The following ARHGAP21 variants were observed in gnomAD, a reference collection of about 807,000 sequenced individuals.
The protein encoded by ARHGAP21 is rho GTPase-activating protein 21.
ARHGAP21 carries 38 observed loss-of-function variants against 164.6 expected under a neutral mutation model. The observed-to-expected ratio is 0.23, with a 90% CI of 0.18 to 0.30. The LOEUF is 0.30. ARHGAP21 is among the 10% of genes least tolerant of loss of function. The pLI is 1.00. For synonymous variants in ARHGAP21, 766 were observed against 857.9 expected (o/e 0.89, Z 1.87); for missense variants, 1,822 against 2,370.7 (o/e 0.77, Z 4.81).
At chr10:24,648,100 T>C (rs1169018779) in intron 4 of ARHGAP21, among the ~76,000 whole-genome samples, 2 of 152,048 alleles carry the variant, frequency 1.3e-5, no homozygotes, top group Non-Finnish European at 2.9e-5. Context: ...CGGCCTCCCA[T>C]AGTGCTGGGA....
rs1554977802 is a variant in ARHGAP21 at position 24,628,952 on chromosome 10, C to CACTATATATATA, written c.495+1043_495+1044insTATATATATAGT. On this transcript the variant is annotated intron_variant, in intron 7 of 25. Transcript: ENST00000396432. ...ACATACATATATATACACACACACACTATATATATATATATATATATATAT... is the reference window on the plus strand; with the variant it reads ...ACATACATATATATACACACACACACACTATATATATATATATATATATATATATATATATAT... 19 of 13,764 alleles carry CACTATATATATA rather than the reference C, an allele frequency of 1.4e-3. 1 individual carries two copies. The highest frequency in any genetic ancestry group is 4.3e-3 in the African/African-American group (11 of 2,572). The allele number at this position is 13,764 out of a possible 1,614,324, so 0.9% of individuals were successfully genotyped here.
intron 14 of ARHGAP21, 88 bp from the exon 15 acceptor site, chr10:24,598,097 C>T: frequency 2.0e-6 from 2 of 1,001,770 alleles, no homozygotes; most frequent in Non-Finnish European, 3.0e-6. Flanking sequence ...TACTGCTTTG[C>T]TTATTTAACA....
In ARHGAP21 at chr10:24,624,337, CT is replaced by C. The variant is rs565872094; in HGVS notation, c.496-1576del. Among the ~76,000 whole-genome samples, 408 of 102,858 alleles carry C rather than the reference CT, an allele frequency of 4.0e-3. No individual in the cohort carries two copies. In the Middle Eastern group the frequency reaches 0.049, roughly 12 times the overall value. The allele number at this position is 102,858 out of a possible 152,430, so 67.5% of individuals were successfully genotyped here. On this transcript the variant is annotated intron_variant, in intron 7 of 25. Transcript: ENST00000396432. ...CTGCCTGGGAAATGCTGTTCTAGAA[CT>C]TTTTTTTTTTTTTTTTTTTGAGACC...
rs1473553789 is a variant in ARHGAP21, at chr10:24,585,109, G to A, written c.5180C>T (p.Ala1727Val). 1 of 1,613,456 alleles carries A rather than the reference G, an allele frequency of 6.2e-7. No homozygotes were observed. Among genetic ancestry groups the A allele is most frequent in the East Asian group, 2.2e-5 (1 of 44,878 alleles). ...SLGDAKNEKE[A>V]PSLTKVFDVM... The stretch of plus-strand genomic sequence containing the variant: ...ATCAAACACTTTAGTTAACGAAGGT[G>A]CTTCTTTCTCATTCTTGGCATCTCC... The change falls in exon 26 of 26, where the codon GCA becomes GTA. Residue 1727 changes from alanine (A) to valine (V), a missense_variant. By Grantham distance (64) the Ala-to-Val change is moderately conservative. This residue lies in a region of ARHGAP21 where 117 missense variants were observed against 193.2 expected (regional missense o/e 0.61). Coordinates refer to ENST00000396432, the MANE Select transcript of ARHGAP21 (RefSeq NM_020824.4).
At chr10:24,596,670 T>TA (rs1399394205) in intron 17 of ARHGAP21, 70 bp downstream of exon 17, 25 of 1,598,196 alleles carry the variant, frequency 1.6e-5, no homozygotes, top group Non-Finnish European at 2.1e-5. Context: ...AAAGGCTATA[T>TA]ACTCAGATCC....
At chr10:24,634,868 C>A in intron 5 of ARHGAP21, 143 bp downstream of exon 5, 1 of 558,248 alleles carries the variant, frequency 1.8e-6, no homozygotes, top group East Asian at 3.1e-5. Context: ...ATAATTAGTT[C>A]TCAAAATTAG....
At chr10:24,651,776 G>C (rs1337616453) in intron 4 of ARHGAP21, among the ~76,000 whole-genome samples, 2 of 152,144 alleles carry the variant, frequency 1.3e-5, no homozygotes, top group African/African-American at 4.8e-5. Context: ...ATTCATGAGA[G>C]AGATACACCA....
chr10:24,625,714 T>C (rs1332539559), intron 7 of ARHGAP21, among the ~76,000 whole-genome samples: 3 of 152,230 alleles, frequency 2.0e-5, no homozygotes, highest in Non-Finnish European at 4.4e-5. Context: ...GCTACTTAAA[T>C]AGGATATTGT....
intron 1 of ARHGAP21, among the ~76,000 whole-genome samples, 161 bp downstream of exon 1, chr10:24,723,401 C>A (rs1025504915): frequency 4.1e-5 from 6 of 147,554 alleles, no homozygotes; most frequent in African/African-American, 1.5e-4. Flanking sequence ...GGCCCCTCCG[C>A]CCCCGCCGGG....
At chr10:24,625,424 T>C (rs1383776922) in intron 7 of ARHGAP21, among the ~76,000 whole-genome samples, 6 of 150,498 alleles carry the variant, frequency 4.0e-5, no homozygotes, top group Non-Finnish European at 1.5e-5. Context: ...AAAGCAAGAG[T>C]AACTTCATGT....
At chr10:24,635,249 T>A in intron 4 of ARHGAP21, 146 bp from the exon 5 acceptor site, 1 of 520,042 alleles carries the variant, frequency 1.9e-6, no homozygotes, top group Non-Finnish European at 3.3e-6. Flanking sequence ...AAAATTATAA[T>A]GTAGGGGTTT....
At chr10:24,676,072 T>C (rs1354073337) in intron 2 of ARHGAP21, among the ~76,000 whole-genome samples, 12 of 152,032 alleles carry the variant, frequency 7.9e-5, no homozygotes, top group African/African-American at 1.7e-4. Flanking sequence ...CACTAGAACC[T>C]GGCAGGCGGA....
intron 9 of ARHGAP21, 36 bp from the exon 10 acceptor site, chr10:24,607,939 C>T: frequency 3.2e-6 from 5 of 1,546,578 alleles, no homozygotes; most frequent in Non-Finnish European, 4.4e-6. Context: ...TGTTCAATGA[C>T]CTAATTGTTA....
At chr10:24,602,179 T>C (rs1037952283) in intron 12 of ARHGAP21, 76 bp from the exon 13 acceptor site, 6 of 1,492,608 alleles carry the variant, frequency 4.0e-6, no homozygotes, top group East Asian at 4.9e-5. Context: ...AACTGCTTTG[T>C]GGAAAACTTT....
In ARHGAP21 at chr10:24,622,058, A is replaced by AT. The variant is rs769403589; in HGVS notation, c.525+674dup. ...TTTTATTTTAAGCTAATGCAAAAGTATATCATACAAATTTATTTGGTCTCC... is the reference window on the plus strand; with the variant it reads ...TTTTATTTTAAGCTAATGCAAAAGTATTATCATACAAATTTATTTGGTCTCC... On this transcript the variant is annotated intron_variant, in intron 8 of 25. Coordinates refer to ENST00000396432, the MANE Select transcript of ARHGAP21 (RefSeq NM_020824.4). 1.2e-4 allele frequency among the ~76,000 whole-genome samples: 18 copies of AT among 152,314 alleles called. No homozygotes were observed. The East Asian group carries it at 2.9e-3, about 25-fold the overall frequency.
rs762513470 is a variant in ARHGAP21, at chr10:24,621,039, A to C, written c.856T>G (p.Ser286Ala). 3 of 1,613,978 alleles carry C rather than the reference A, an allele frequency of 1.9e-6. No homozygotes were observed. Among genetic ancestry groups the C allele is most frequent in the East Asian group, 2.2e-5 (1 of 44,884 alleles). The change falls in exon 9 of 26, where the codon TCC becomes GCC. Residue 286 changes from serine (S) to alanine (A), a missense_variant. Around this residue, in one of 5 missense-constraint regions of ARHGAP21, gnomAD observed 1,090 missense variants for 1,378.9 expected, o/e 0.79. Coordinates refer to ENST00000396432, the MANE Select transcript of ARHGAP21 (RefSeq NM_020824.4). ...VPSEKVVDLL[S>A]NRNNHTGPSH... The stretch of plus-strand genomic sequence containing the variant: ...GGACCTGTATGGTTGTTTCTATTGG[A>C]TAACAAATCTACAACCTTCTCAGAA...
In ARHGAP21 at chr10:24,584,839, T is replaced by A. The variant is rs752064549; in HGVS notation, c.5450A>T (p.Asn1817Ile). 1 of 1,613,970 alleles carries A rather than the reference T, an allele frequency of 6.2e-7. No homozygotes were observed. ...GCTCTGCTCATGCACTTTCCAAAAA[T>A]TCAAAACGCTGATTTCGGTAGCATC... is the stretch of plus-strand genomic sequence containing the variant. ...HRDATEISVL[N>I]FWKVHEQSGE... is the part of the protein sequence containing the mutation. Residue 1817 changes from asparagine (N) to isoleucine (I), a missense_variant, in exon 26 of 26, where the codon AAT (asparagine) becomes ATT (isoleucine). By Grantham distance (149) the Asn-to-Ile change is moderately radical. Coordinates refer to ENST00000396432, the MANE Select transcript of ARHGAP21 (RefSeq NM_020824.4).
Position 24,597,575 on chromosome 10 carries a change from TCTG to T in ARHGAP21, c.3203_3205del (p.Ala1068del). On this transcript the variant is annotated inframe_deletion, in exon 16 of 26. Coordinates refer to ENST00000396432, the MANE Select transcript of ARHGAP21 (RefSeq NM_020824.4). ...CTGGCGAGGTGTTTTTGGCAACTGT[TCTG>T]CTTTGCTGTTGAAGGAAATGACATT... The T allele has an allele frequency of 1.2e-6, 2 of 1,614,052 alleles. No homozygotes were observed. The highest frequency in any genetic ancestry group is 1.7e-6 in the Non-Finnish European group (2 of 1,179,954).
rs1401603078 is a variant in ARHGAP21 at position 24,597,514 on chromosome 10, T to C, written c.3267A>G (p.Lys1089=). ...GTGGGCTTTGAGTCTTTGGCTCTGA[T>C]TTAGCACCAAGCAAAGTTTGCCTGA... is the stretch of plus-strand genomic sequence containing the variant. The part of the protein sequence containing the change: ...LSIRQTLLGA[K]SEPKTQSPHS... Residue 1089 remains lysine, a synonymous_variant, in exon 16 of 26, where the codon AAA becomes AAG. Coordinates refer to ENST00000396432, the MANE Select transcript of ARHGAP21 (RefSeq NM_020824.4). 1 of 1,614,180 alleles carries C rather than the reference T, an allele frequency of 6.2e-7. No individual in the cohort carries two copies. Among genetic ancestry groups the C allele is most frequent in the Admixed American group, 1.7e-5 (1 of 60,026 alleles).
Sources: allele counts gnomAD v4.1 joint callset (sites outside exome capture counted in the v4.1 genomes callset), GRCh38; gene constraint gnomAD v4.1.1; regional missense constraint gnomAD v4.1.1; transcripts MANE v1.5; gene names NCBI Gene and HGNC (gene_info 2026-07-23, HGNC 2026-07-21).